Variants in CSMD1 observed in about 807,000 individuals in gnomAD.
The protein encoded by CSMD1 is CUB and Sushi multiple domains 1.
CSMD1 carries 213 observed loss-of-function variants against 417.5 expected under a neutral mutation model. The ratio of observed to expected loss-of-function variants is 0.51; its 90% CI spans 0.46 to 0.57. The LOEUF is 0.57. Among genes scored for constraint, CSMD1 ranks in the 20% least tolerant of loss-of-function variants. CSMD1 has a pLI of 0.00. For missense variants in CSMD1, 6,923 were observed against 4,529.7 expected (o/e 1.53, Z -15.17); for synonymous variants, 2,862 against 1,736.8 (o/e 1.65, Z -16.11).
At chr8:4,156,428 G>A (rs904515532) in intron 3 of CSMD1, among the ~76,000 whole-genome samples, 1 of 152,124 alleles carries the variant, frequency 6.6e-6, no homozygotes, top group East Asian at 1.9e-4. Context: ...ACTGACTTGA[G>A]AAAGAAAGGA....
chr8:4,010,156 G>A (rs1816433434), intron 4 of CSMD1, among the ~76,000 whole-genome samples: 1 of 152,088 alleles, frequency 6.6e-6, no homozygotes, highest in Admixed American at 6.5e-5. Flanking sequence ...CATCTCAGTA[G>A]CCAATGTTTT....
In CSMD1 at chr8:4,913,334, A is replaced by G. The variant is rs148073996; in HGVS notation, c.85+80998T>C. On this transcript the variant is annotated intron_variant, in intron 1 of 69. Transcript: ENST00000635120. ...ATAATTACTTGCAATAATTGTTTAC[A>G]GCCTCACCTCTGTCCCTTAAAATGT... Among the ~76,000 whole-genome samples, 280 of 152,334 alleles carry G rather than the reference A, an allele frequency of 1.8e-3. 1 individual carries two copies. The highest frequency in any genetic ancestry group is 5.9e-3 in the African/African-American group (244 of 41,568).
intron 12 of CSMD1, among the ~76,000 whole-genome samples, chr8:3,428,094 T>A (rs997826364): frequency 4.6e-5 from 7 of 152,222 alleles, no homozygotes; most frequent in Non-Finnish European, 2.9e-5. Context: ...TAGCTATTAT[T>A]CTTACAGCAC....
At chr8:3,276,849 A>G (rs187295664) in intron 26 of CSMD1, among the ~76,000 whole-genome samples, 99 of 152,278 alleles carry the variant, frequency 6.5e-4, no homozygotes, top group African/African-American at 2.4e-3. Context: ...CTTGTTGGAT[A>G]TTGATTATAT....
chr8:3,499,640 T>C (rs1406030030), intron 10 of CSMD1, among the ~76,000 whole-genome samples: 1 of 151,894 alleles, frequency 6.6e-6, no homozygotes, highest in Non-Finnish European at 1.5e-5. Flanking sequence ...GCACTTTGGC[T>C]CCCCCTGTCT....
intron 3 of CSMD1, among the ~76,000 whole-genome samples, chr8:4,247,626 G>A (rs1311644488): frequency 6.6e-6 from 1 of 152,126 alleles, no homozygotes; most frequent in African/African-American, 2.4e-5. Context: ...AAGAGCAGAG[G>A]TAGATTTCAA....
intron 3 of CSMD1, among the ~76,000 whole-genome samples, chr8:4,214,381 T>A (rs1800505402): frequency 6.6e-6 from 1 of 152,186 alleles, no homozygotes; most frequent in South Asian, 2.1e-4. Flanking sequence ...CACTGCAACC[T>A]CTGCCTCCTG....
intron 5 of CSMD1, among the ~76,000 whole-genome samples, chr8:3,838,924 C>G (rs1398786962): frequency 2.3e-5 from 2 of 87,104 alleles, no homozygotes; most frequent in Non-Finnish European, 4.0e-5. Context: ...TGTATAGTCT[C>G]TCTATTTATA....
intron 37 of CSMD1, 113 bp downstream of exon 37, chr8:3,180,997 A>T: frequency 1.4e-6 from 1 of 711,264 alleles, no homozygotes; most frequent in Non-Finnish European, 2.4e-6. Flanking sequence ...CAAGTCTTTC[A>T]CAGTTTTAGA....
intron 1 of CSMD1, among the ~76,000 whole-genome samples, chr8:4,902,901 C>T (rs535665583): frequency 6.6e-6 from 1 of 151,008 alleles, no homozygotes; most frequent in Non-Finnish European, 1.5e-5. Context: ...TATATTTTTA[C>T]ACAAGCAATA....
At chr8:3,328,050 A>C (rs907785407) in intron 23 of CSMD1, among the ~76,000 whole-genome samples, 7 of 152,204 alleles carry the variant, frequency 4.6e-5, no homozygotes, top group African/African-American at 1.7e-4. Context: ...GTCCGTCTAA[A>C]GCAGGTAAAG....
chr8:4,584,629 C>A (rs1393559277), intron 2 of CSMD1, among the ~76,000 whole-genome samples: 1 of 152,068 alleles, frequency 6.6e-6, no homozygotes, highest in Non-Finnish European at 1.5e-5. Context: ...GCTCCGGGGT[C>A]CCAACAACAT....
At chr8:4,259,207 C>A (rs563845161) in intron 3 of CSMD1, among the ~76,000 whole-genome samples, 1 of 152,178 alleles carries the variant, frequency 6.6e-6, no homozygotes, top group Non-Finnish European at 1.5e-5. Context: ...CAGCCCACAA[C>A]GGCTTTCAAA....
chr8:3,867,764 G>C (rs1397962392), intron 5 of CSMD1, among the ~76,000 whole-genome samples: 4 of 152,068 alleles, frequency 2.6e-5, no homozygotes, highest in Non-Finnish European at 4.4e-5. Context: ...CCTCCTCCCA[G>C]GGCCAGGCAG....
chr8:3,797,149 C>T (rs1189925135), intron 5 of CSMD1, among the ~76,000 whole-genome samples: 2 of 151,846 alleles, frequency 1.3e-5, no homozygotes, highest in East Asian at 1.9e-4. Context: ...ATACAGTCAA[C>T]ATAATAATTG....
At chr8:4,731,708 G>A (rs945389080) in intron 1 of CSMD1, among the ~76,000 whole-genome samples, 2 of 152,098 alleles carry the variant, frequency 1.3e-5, no homozygotes, top group African/African-American at 2.4e-5. Flanking sequence ...GCTCCAATGG[G>A]TTCACGAGGA....
chr8:3,951,582 A>T (rs113514571), intron 5 of CSMD1, among the ~76,000 whole-genome samples: 4 of 152,334 alleles, frequency 2.6e-5, no homozygotes, highest in African/African-American at 9.6e-5. Flanking sequence ...GAATCATCAT[A>T]GAAAACAACG....
At chr8:4,707,564 C>G (rs1485331281) in intron 1 of CSMD1, among the ~76,000 whole-genome samples, 1 of 151,976 alleles carries the variant, frequency 6.6e-6, no homozygotes, top group African/African-American at 2.4e-5. Context: ...TAACTAAATT[C>G]CCAGGTTTTT....
chr8:3,978,369 T>G (rs150040982), intron 5 of CSMD1, among the ~76,000 whole-genome samples: 5 of 152,204 alleles, frequency 3.3e-5, no homozygotes, highest in Admixed American at 3.3e-4. Flanking sequence ...TTTTACATCT[T>G]ATTTATCAAA....
Sources: gnomAD v4.1 joint callset for allele counts (sites outside exome capture counted in the v4.1 genomes callset) on GRCh38, gnomAD v4.1.1 for gene constraint, MANE v1.5 for transcripts, NCBI Gene and HGNC (gene_info 2026-07-23, HGNC 2026-07-21) for gene names.